Variants in MPDZ observed in about 807,000 individuals in gnomAD.
The protein encoded by MPDZ is multiple PDZ domain protein.
In MPDZ, 234 loss-of-function variants were observed where a neutral mutation model predicts 239.1. That is an observed-to-expected ratio of 0.98 (90% CI 0.88 to 1.09). The LOEUF is 1.09. Among genes scored for constraint, MPDZ ranks in the 50% least tolerant of loss-of-function variants. The pLI is 0.00. For synonymous variants in MPDZ, 1,048 were observed against 881.3 expected, an observed-to-expected ratio of 1.19 and a Z score of -3.35; for missense variants, 3,175 against 2,510.0, an observed-to-expected ratio of 1.26 and a Z score of -5.66.
intron 19 of MPDZ, among the ~76,000 whole-genome samples, chr9:13,177,401 A>G (rs1390634110): frequency 1.3e-5 from 2 of 152,158 alleles, no homozygotes; most frequent in African/African-American, 4.8e-5. Context: ...AATGGCTAGC[A>G]TCAGTTAGGT....
chr9:13,230,161 G>A (rs1336494136), intron 3 of MPDZ, among the ~76,000 whole-genome samples: 2 of 152,114 alleles, frequency 1.3e-5, no homozygotes, highest in Non-Finnish European at 2.9e-5. Flanking sequence ...CTATCAGAAT[G>A]GTGAGGATGT....
intron 3 of MPDZ, among the ~76,000 whole-genome samples, chr9:13,232,840 T>A (rs1158225333): frequency 9.7e-6 from 1 of 103,512 alleles, no homozygotes; most frequent in Non-Finnish European, 2.1e-5. Flanking sequence ...AGAAAAAGAC[T>A]GAAAAATCAA....
intron 32 of MPDZ, among the ~76,000 whole-genome samples, chr9:13,129,898 A>G (rs1435912667): frequency 6.6e-6 from 1 of 152,198 alleles, no homozygotes; most frequent in East Asian, 1.9e-4. Context: ...TTAAACAGCT[A>G]GAAAAGAGTA....
At chr9:13,191,042 G>C (rs1477655044) in intron 15 of MPDZ, among the ~76,000 whole-genome samples, 1 of 152,096 alleles carries the variant, frequency 6.6e-6, no homozygotes, top group Non-Finnish European at 1.5e-5. Context: ...ATGTGTTTAT[G>C]AGGATGAAAT....
intron 10 of MPDZ, among the ~76,000 whole-genome samples, chr9:13,214,422 G>C (rs1022238286): frequency 3.9e-5 from 6 of 151,932 alleles, no homozygotes; most frequent in African/African-American, 1.4e-4. Context: ...CTGGGAGAAT[G>C]GGGGAGAAGG....
At chr9:13,204,367 C>T (rs1956756035) in intron 12 of MPDZ, among the ~76,000 whole-genome samples, 1 of 152,094 alleles carries the variant, frequency 6.6e-6, no homozygotes, top group African/African-American at 2.4e-5. Flanking sequence ...GTGGGCAGAT[C>T]ATTTGAGGTC....
chr9:13,237,930 A>G (rs1335805789), intron 3 of MPDZ, among the ~76,000 whole-genome samples: 2 of 152,302 alleles, frequency 1.3e-5, no homozygotes, highest in South Asian at 2.1e-4. Context: ...GCTTTAGTTA[A>G]AAAAAATTCA....
chr9:13,237,920 G>A (rs755635625), intron 3 of MPDZ, among the ~76,000 whole-genome samples: 13 of 152,010 alleles, frequency 8.6e-5, no homozygotes, highest in Non-Finnish European at 1.5e-4. Flanking sequence ...TATAAATTAA[G>A]CTTTAGTTAA....
At chr9:13,113,571 A>C (rs1381470240) in intron 41 of MPDZ, among the ~76,000 whole-genome samples, 2 of 152,306 alleles carry the variant, frequency 1.3e-5, no homozygotes, top group East Asian at 3.9e-4. Context: ...AATTTTCTCA[A>C]ATTTTTGCAA....
At chr9:13,239,170 A>C (rs1333365292) in intron 3 of MPDZ, among the ~76,000 whole-genome samples, 1 of 152,190 alleles carries the variant, frequency 6.6e-6, no homozygotes, top group Non-Finnish European at 1.5e-5. Context: ...TTTGTCTCCA[A>C]CTACTATTAG....
intron 26 of MPDZ, among the ~76,000 whole-genome samples, chr9:13,147,106 T>C (rs1027056206): frequency 1.3e-5 from 2 of 151,996 alleles, no homozygotes; most frequent in African/African-American, 4.8e-5. Flanking sequence ...TGAACGATCA[T>C]TCACAGATGA....
chr9:13,206,366 G>A (rs1956991597), intron 10 of MPDZ, among the ~76,000 whole-genome samples: 2 of 151,846 alleles, frequency 1.3e-5, no homozygotes, highest in Admixed American at 6.6e-5. Flanking sequence ...TAGTTCTAGG[G>A]TAGGACACAG....
At chr9:13,152,345 A>G (rs1949284277) in intron 24 of MPDZ, among the ~76,000 whole-genome samples, 1 of 152,100 alleles carries the variant, frequency 6.6e-6, no homozygotes, top group South Asian at 2.1e-4. Context: ...TGTAGCTCCC[A>G]CAATTCCCAC....
At chr9:13,277,511 T>C (rs886802541) in intron 1 of MPDZ, among the ~76,000 whole-genome samples, 16 of 152,246 alleles carry the variant, frequency 1.1e-4, no homozygotes, top group Non-Finnish European at 2.4e-4. Context: ...CTTAGTATTG[T>C]ATTAGAAGAT....
intron 1 of MPDZ, among the ~76,000 whole-genome samples, chr9:13,262,108 T>C (rs1210815604): frequency 6.6e-6 from 1 of 151,846 alleles, no homozygotes; most frequent in Non-Finnish European, 1.5e-5. Flanking sequence ...TTTCATTATA[T>C]AAATGAAATC....
At chr9:13,143,102 G>A (rs1289966078) in intron 27 of MPDZ, among the ~76,000 whole-genome samples, 1 of 152,034 alleles carries the variant, frequency 6.6e-6, no homozygotes, top group African/African-American at 2.4e-5. Flanking sequence ...GTATGAAAAG[G>A]ATTTAAATCA....
Position 13,109,044 on chromosome 9 carries a change from C to A in MPDZ, c.5958G>T (p.Lys1986Asn). Reference sequence around the variant, plus strand: ...CTGGTCCTCGCTCTAGTGTAATAGACTTACATTGAGGAGGTCTACGGTGAA... The same window carrying A: ...CTGGTCCTCGCTCTAGTGTAATAGAATTACATTGAGGAGGTCTACGGTGAA... ...FQDDLGPPQCKSITLERGPDG... is the reference protein window; with the variant it reads ...FQDDLGPPQCNSITLERGPDG... Residue 1986 changes from lysine (K) to asparagine (N), a missense_variant, in exon 46 of 47, where the codon AAG becomes AAT. Physicochemically the swap from Lys to Asn is moderately conservative, Grantham distance 94. Coordinates refer to ENST00000319217, the MANE Select transcript of MPDZ (RefSeq NM_001378778.1). 1 of 1,524,746 alleles carries A rather than the reference C, an allele frequency of 6.6e-7. No homozygotes were observed. The highest frequency in any genetic ancestry group is 1.3e-5 in the South Asian group (1 of 75,392). The allele number at this position is 1,524,746 out of a possible 1,614,324, so 94.5% of individuals were successfully genotyped here.
intron 3 of MPDZ, among the ~76,000 whole-genome samples, chr9:13,240,930 T>C (rs1012069944): frequency 5.9e-5 from 9 of 152,124 alleles, no homozygotes; most frequent in Non-Finnish European, 1.2e-4. Flanking sequence ...CCATTTAACA[T>C]TGTCACAAAA....
At chr9:13,178,437 T>G (rs1174635468) in intron 19 of MPDZ, among the ~76,000 whole-genome samples, 1 of 152,190 alleles carries the variant, frequency 6.6e-6, no homozygotes, top group African/African-American at 2.4e-5. Context: ...TTATCAAGGA[T>G]AAGCCATTTG....
Sources: allele counts gnomAD v4.1 joint callset (sites outside exome capture counted in the v4.1 genomes callset), GRCh38; gene constraint gnomAD v4.1.1; transcripts MANE v1.5; gene names NCBI Gene and HGNC (gene_info 2026-07-23, HGNC 2026-07-21).